TMEM154: variants seen among roughly 807,000 people sequenced by gnomAD.
The protein encoded by TMEM154 is transmembrane protein 154.
In TMEM154, 27 loss-of-function variants were observed where a neutral mutation model predicts 24.5. That is an observed-to-expected ratio of 1.10 (90% CI 0.81 to 1.52). TMEM154 has a LOEUF of 1.52. Among genes scored for constraint, TMEM154 ranks in the 40% most tolerant of loss-of-function variants. TMEM154 has a pLI of 0.00. For synonymous variants in TMEM154, 67 were observed against 76.8 expected (o/e 0.87, Z 0.67); for missense variants, 228 against 213.4 (o/e 1.07, Z -0.43).
chr4:152,648,238 T>C (rs1269271288), intron 3 of TMEM154, among the ~76,000 whole-genome samples: 2 of 152,184 alleles, frequency 1.3e-5, no homozygotes, highest in Admixed American at 1.3e-4. Context: ...ATCCCAGTGC[T>C]TTGGGAGGCT....
At chr4:152,668,180 C>A (rs190301439) in intron 1 of TMEM154, among the ~76,000 whole-genome samples, 6 of 152,128 alleles carry the variant, frequency 3.9e-5, no homozygotes, top group Admixed American at 3.9e-4. Context: ...ACCTGTAGCA[C>A]CTGGCAGTTT....
chr4:152,637,648 C>G (rs1752176280), intron 6 of TMEM154, among the ~76,000 whole-genome samples: 1 of 151,952 alleles, frequency 6.6e-6, no homozygotes, highest in Non-Finnish European at 1.5e-5. Context: ...TTCCATTTTT[C>G]AAGATGAAGA....
chr4:152,652,367 T>C (rs566370285), intron 3 of TMEM154, among the ~76,000 whole-genome samples, 171 bp downstream of exon 3: 11 of 152,220 alleles, frequency 7.2e-5, no homozygotes, highest in African/African-American at 2.6e-4. Flanking sequence ...ATTAAACTTT[T>C]TTTTTTTTTA....
chr4:152,651,145 G>A (rs1217709265), intron 3 of TMEM154, among the ~76,000 whole-genome samples: 2 of 151,722 alleles, frequency 1.3e-5, no homozygotes, highest in African/African-American at 4.8e-5. Context: ...AAGCCAGGCA[G>A]TGATTTCTCC....
In TMEM154 at chr4:152,625,394, C is replaced by T. The variant is rs1324556035; in HGVS notation, c.*3152G>A. 6.5e-6 allele frequency: 1 copy of T among 152,842 alleles called. No homozygotes were observed. Among genetic ancestry groups the T allele is most frequent in the African/African-American group, 2.4e-5 (1 of 41,444 alleles). The allele number at this position is 152,842 out of a possible 1,614,324, so 9.5% of individuals were successfully genotyped here. A position where few individuals can be genotyped will look rare whatever the true frequency, so the allele number is the denominator to read the frequency against. Reference sequence around the variant, plus strand: ...AACATCCAGATATTACAGTGAAAGTCAGTGTGTGGCCAGACACAGTGGCTC... The same window carrying T: ...AACATCCAGATATTACAGTGAAAGTTAGTGTGTGGCCAGACACAGTGGCTC... On this transcript the variant is annotated 3_prime_UTR_variant, in exon 7 of 7. Coordinates refer to ENST00000304385, the MANE Select transcript of TMEM154 (RefSeq NM_152680.3).
rs377000529 is a variant in TMEM154 at position 152,636,591 on chromosome 4, G to A, written c.536+4337C>T. ...TTCAATGAGGACAGAGGAAAGTAAT[G>A]AACAAGACTGGCCAATGAGACAAGG... On this transcript the variant is annotated intron_variant, in intron 6 of 6. Coordinates refer to ENST00000304385, the MANE Select transcript of TMEM154 (RefSeq NM_152680.3). Among the ~76,000 whole-genome samples, 426 of 152,332 alleles carry A rather than the reference G, an allele frequency of 2.8e-3. 1 individual carries two copies. The highest frequency in any genetic ancestry group is 5.2e-3 in the Admixed American group (79 of 15,304).
chr4:152,629,019 C>T (rs541530136), intron 6 of TMEM154, among the ~76,000 whole-genome samples: 49 of 152,176 alleles, frequency 3.2e-4, no homozygotes, highest in African/African-American at 1.1e-3. Context: ...GATCACAAAC[C>T]ATCAGGAAGC....
At chr4:152,642,355 C>A (rs72721665) in intron 5 of TMEM154, among the ~76,000 whole-genome samples, 13,083 of 151,770 alleles carry the variant, frequency 0.086, 636 homozygotes, top group African/African-American at 0.12. Flanking sequence ...GGGTTTTATT[C>A]ATTTAATCTA....
At position 152,619,503 on chromosome 4, in the gene TMEM154, T is replaced by A. The variant is rs186008088; in HGVS notation, c.*9043A>T. The A allele has an allele frequency of 6.6e-6, 1 of 152,202 alleles. No individual in the cohort carries two copies. The allele number at this position is 152,202 out of a possible 1,614,324, so 9.4% of individuals were successfully genotyped here. A position where few individuals can be genotyped will look rare whatever the true frequency, so the allele number is the denominator to read the frequency against. On this transcript the variant is annotated 3_prime_UTR_variant, in exon 7 of 7. Transcript: ENST00000304385. Reference sequence around the variant, plus strand: ...AAGTGGGGTTTATGTCCTTTCCACCTTGAACCTAGGTAGACTTTGTAACTG... The same window carrying A: ...AAGTGGGGTTTATGTCCTTTCCACCATGAACCTAGGTAGACTTTGTAACTG...
chr4:152,644,103 A>C (rs530835463), intron 4 of TMEM154, among the ~76,000 whole-genome samples: 27 of 152,332 alleles, frequency 1.8e-4, no homozygotes, highest in African/African-American at 6.5e-4. Context: ...AATGTCCTTG[A>C]AATACAGCTA....
intron 3 of TMEM154, among the ~76,000 whole-genome samples, chr4:152,650,016 T>C (rs554547187): frequency 4.4e-4 from 67 of 152,238 alleles, no homozygotes; most frequent in Non-Finnish European, 7.9e-4. Flanking sequence ...AACGATCATC[T>C]GAGCCTTCCG....
intron 1 of TMEM154, chr4:152,669,436 G>T (rs1352058200): frequency 6.6e-6 from 1 of 152,062 alleles, no homozygotes; most frequent in Non-Finnish European, 1.5e-5. Flanking sequence ...AACATTTTTA[G>T]TTACATGTCC....
chr4:152,674,830 C>T (rs574234489), intron 1 of TMEM154, among the ~76,000 whole-genome samples: 1 of 152,224 alleles, frequency 6.6e-6, no homozygotes, highest in Non-Finnish European at 1.5e-5. Flanking sequence ...GTACCAGGTT[C>T]TGCTCTCAGG....
intron 1 of TMEM154, among the ~76,000 whole-genome samples, chr4:152,677,324 G>A (rs1728970484): frequency 1.3e-5 from 2 of 152,180 alleles, no homozygotes; most frequent in Admixed American, 6.5e-5. Context: ...ATTATCTCAT[G>A]TTGCCTGCTC....
chr4:152,633,215 A>T (rs568602123), intron 6 of TMEM154, among the ~76,000 whole-genome samples: 11 of 152,178 alleles, frequency 7.2e-5, no homozygotes, highest in Non-Finnish European at 1.0e-4. Context: ...TATGGTGCCC[A>T]CTGCCACAGC....
rs756105697 is a variant in TMEM154, at chr4:152,664,375, GGC to G, written c.65-11450_65-11449del. Among the ~76,000 whole-genome samples the G allele has an allele frequency of 2.0e-3, 251 of 126,606 alleles. 1 individual carries two copies. The highest frequency in any genetic ancestry group is 6.9e-3 in the African/African-American group (237 of 34,118). The allele number at this position is 126,606 out of a possible 152,430, so 83.1% of individuals were successfully genotyped here. ...AACAACACACACTGGGGCCTGTCGT[GGC>G]GGGGGGGTACAAGGGGAGGGAGAGC... On this transcript the variant is annotated intron_variant, in intron 1 of 6. Transcript: ENST00000304385.
At chr4:152,628,667 G>A in intron 6 of TMEM154, 106 bp from the exon 7 acceptor site, 3 of 1,276,940 alleles carry the variant, frequency 2.3e-6, no homozygotes, top group Non-Finnish European at 3.0e-6. Flanking sequence ...GACGGAGTCT[G>A]GCTCCGTCGC....
At chr4:152,644,185 T>C (rs1561047949) in intron 4 of TMEM154, among the ~76,000 whole-genome samples, 1 of 152,166 alleles carries the variant, frequency 6.6e-6, no homozygotes, top group Admixed American at 6.5e-5. Flanking sequence ...TGTAGGACAA[T>C]GAAATAAAAC....
At chr4:152,636,314 C>T (rs1344847066) in intron 6 of TMEM154, among the ~76,000 whole-genome samples, 1 of 152,248 alleles carries the variant, frequency 6.6e-6, no homozygotes, top group African/African-American at 2.4e-5. Flanking sequence ...TCCTAGCACC[C>T]TCCTCCCACT....
Sources: allele counts gnomAD v4.1 joint callset (sites outside exome capture counted in the v4.1 genomes callset), GRCh38; gene constraint gnomAD v4.1.1; transcripts MANE v1.5; gene names NCBI Gene and HGNC (gene_info 2026-07-23, HGNC 2026-07-21).